LRMDA: variants seen among roughly 807,000 people sequenced by gnomAD.
The protein encoded by LRMDA is leucine rich melanocyte differentiation associated, also known as leucine-rich melanocyte differentiation-associated protein.
A neutral mutation model predicts 29.8 loss-of-function variants in LRMDA; 18 were observed. The observed-to-expected ratio is 0.60, with a 90% CI of 0.42 to 0.90. The LOEUF is 0.90. Ranked by LOEUF, LRMDA falls within the 40% of genes least tolerant of loss-of-function variation. The probability of loss-of-function intolerance (pLI) is 0.00; values close to 1 mark genes in which losing one functional copy is unlikely to be tolerated. For synonymous variants in LRMDA, 125 were observed against 109.4 expected, an observed-to-expected ratio of 1.14 and a Z score of -0.89; for missense variants, 273 against 273.9, an observed-to-expected ratio of 1.00 and a Z score of 0.02.
chr10:76,358,026 C>T (rs1841263949), intron 6 of LRMDA, among the ~76,000 whole-genome samples: 1 of 152,130 alleles, frequency 6.6e-6, no homozygotes, highest in South Asian at 2.1e-4. Context: ...CTCTAGAGGA[C>T]CTTGAAAAAT....
intron 5 of LRMDA, among the ~76,000 whole-genome samples, chr10:76,116,037 C>A (rs1270586028): frequency 1.3e-5 from 2 of 152,126 alleles, no homozygotes; most frequent in Admixed American, 1.3e-4. Context: ...CGTTATCACT[C>A]GTGGTTTATG....
At chr10:75,981,850 C>CAA (rs10570078) in intron 2 of LRMDA, among the ~76,000 whole-genome samples, 2 of 116,454 alleles carry the variant, frequency 1.7e-5, no homozygotes, top group Non-Finnish European at 1.8e-5. Flanking sequence ...GACTCCATCT[C>CAA]AAAAAAAAAA....
chr10:76,007,023 TGTGTGTGTGC>T (rs879552801), intron 2 of LRMDA, among the ~76,000 whole-genome samples: 2,541 of 32,238 alleles, frequency 0.079, 67 homozygotes, highest in Middle Eastern at 0.2. Context: ...TGTGTGTGTG[TGTGTGTGTGC>T]GCGTGTGTGT....
rs576972012 is a variant in LRMDA at position 76,426,051 on chromosome 10, G to A, written c.601+101566G>A. 5.4e-4 allele frequency among the ~76,000 whole-genome samples: 82 copies of A among 152,136 alleles called. 1 individual carries two copies. The South Asian group carries it at 0.012, about 22-fold the overall frequency. Reference sequence around the variant, plus strand: ...AGTCTTTGCTATTGTGAGTAGTGCCGCAAATAAACATACGTGTGCATGTGT... The same window carrying A: ...AGTCTTTGCTATTGTGAGTAGTGCCACAAATAAACATACGTGTGCATGTGT... On this transcript the variant is annotated intron_variant, in intron 6 of 6. Transcript: ENST00000611255.
chr10:76,144,479 T>C (rs1343072584), intron 5 of LRMDA, among the ~76,000 whole-genome samples: 1 of 152,150 alleles, frequency 6.6e-6, no homozygotes, highest in East Asian at 1.9e-4. Context: ...TCACTCATGA[T>C]TTGGCTCTCT....
chr10:76,387,192 A>G (rs1001935884), intron 6 of LRMDA, among the ~76,000 whole-genome samples: 3 of 152,224 alleles, frequency 2.0e-5, no homozygotes, highest in Non-Finnish European at 2.9e-5. Context: ...TTAGAACACA[A>G]AAATGCAGTC....
chr10:75,647,571 AAG>A (rs1841538991), intron 2 of LRMDA: 1 of 152,370 alleles, frequency 6.6e-6, no homozygotes, highest in Non-Finnish European at 1.5e-5. Flanking sequence ...TGATGTGACA[AAG>A]AGAGAAGGCA....
intron 2 of LRMDA, among the ~76,000 whole-genome samples, chr10:75,657,359 A>G (rs1219408099): frequency 6.6e-6 from 1 of 152,204 alleles, no homozygotes; most frequent in Non-Finnish European, 1.5e-5. Context: ...TCATAAGGCA[A>G]TCAGAGAGGA....
intron 2 of LRMDA, among the ~76,000 whole-genome samples, chr10:75,641,409 A>ATT (rs1564528737): frequency 6.7e-6 from 1 of 148,712 alleles, no homozygotes; most frequent in Non-Finnish European, 1.5e-5. Context: ...GTTAATATAT[A>ATT]ATATATATAT....
At chr10:75,607,207 A>T (rs1462467905) in intron 2 of LRMDA, among the ~76,000 whole-genome samples, 2 of 152,240 alleles carry the variant, frequency 1.3e-5, no homozygotes, top group African/African-American at 4.8e-5. Context: ...ACATTTCAGA[A>T]CAGTCCTCTT....
chr10:75,663,933 A>G (rs1397313658), intron 2 of LRMDA, among the ~76,000 whole-genome samples: 2 of 152,186 alleles, frequency 1.3e-5, no homozygotes, highest in African/African-American at 4.8e-5. Flanking sequence ...GCTCCTTAGA[A>G]TATACTCAGG....
At chr10:75,794,840 T>A (rs1357342287) in intron 2 of LRMDA, among the ~76,000 whole-genome samples, 3 of 152,202 alleles carry the variant, frequency 2.0e-5, no homozygotes, top group Non-Finnish European at 4.4e-5. Context: ...ATGTCTATAT[T>A]TATTTATTTC....
At chr10:76,232,986 AAAATAGGT>A (rs1852088354) in intron 5 of LRMDA, among the ~76,000 whole-genome samples, 1 of 152,216 alleles carries the variant, frequency 6.6e-6, no homozygotes, top group African/African-American at 2.4e-5. Context: ...AGGTATATGT[AAAATAGGT>A]GAAAGGTGGG....
intron 2 of LRMDA, among the ~76,000 whole-genome samples, chr10:75,682,892 G>T (rs1271537412): frequency 6.6e-6 from 1 of 152,154 alleles, no homozygotes; most frequent in Non-Finnish European, 1.5e-5. Flanking sequence ...TGGAGATAGA[G>T]GGCTGCTTTC....
At chr10:76,393,626 T>C (rs1409648779) in intron 6 of LRMDA, among the ~76,000 whole-genome samples, 1 of 152,150 alleles carries the variant, frequency 6.6e-6, no homozygotes, top group Non-Finnish European at 1.5e-5. Context: ...TTTCACTCTG[T>C]TGACTGTTTC....
chr10:76,012,134 C>T (rs1381279959), intron 2 of LRMDA, among the ~76,000 whole-genome samples: 2 of 152,146 alleles, frequency 1.3e-5, no homozygotes, highest in Admixed American at 6.5e-5. Flanking sequence ...GTTCCTGGAG[C>T]GCAGTTAAGT....
At chr10:76,341,374 T>A (rs1313165488) in intron 6 of LRMDA, among the ~76,000 whole-genome samples, 1 of 152,086 alleles carries the variant, frequency 6.6e-6, no homozygotes, top group African/African-American at 2.4e-5. Flanking sequence ...TACTGACAGA[T>A]TAAGTGGGGA....
intron 2 of LRMDA, among the ~76,000 whole-genome samples, chr10:75,474,880 G>A (rs1279238100): frequency 6.6e-6 from 1 of 152,144 alleles, no homozygotes; most frequent in Non-Finnish European, 1.5e-5. Context: ...ATTTCCTACG[G>A]GAAATTGTCC....
intron 2 of LRMDA, among the ~76,000 whole-genome samples, chr10:75,721,363 TA>T (rs1360953009): frequency 6.6e-6 from 1 of 152,218 alleles, no homozygotes; most frequent in Admixed American, 6.5e-5. Flanking sequence ...ATTATAAGCA[TA>T]ATGTATGTGT....
Sources: gnomAD v4.1 joint callset for allele counts (sites outside exome capture counted in the v4.1 genomes callset) on GRCh38, gnomAD v4.1.1 for gene constraint, MANE v1.5 for transcripts, NCBI Gene and HGNC (gene_info 2026-07-23, HGNC 2026-07-21) for gene names.